The following DHX29 variants were observed in gnomAD, a reference collection of about 807,000 sequenced individuals.
The protein encoded by DHX29 is DExH-box helicase 29.
A neutral mutation model predicts 167.9 loss-of-function variants in DHX29; 79 were observed. The ratio of observed to expected loss-of-function variants is 0.47; its 90% CI spans 0.39 to 0.57. The LOEUF (loss-of-function observed/expected upper bound fraction) is 0.57, where lower values mean the gene tolerates loss of function less well. Ranked by LOEUF, DHX29 falls within the 20% of genes least tolerant of loss-of-function variation. The pLI is 0.00. For missense variants in DHX29, 1,347 were observed against 1,593.4 expected, an observed-to-expected ratio of 0.85 and a Z score of 2.63; for synonymous variants, 530 against 546.0, an observed-to-expected ratio of 0.97 and a Z score of 0.41.
In DHX29 at chr5:55,283,418, T is replaced by A. The variant is rs757685548; in HGVS notation, c.1750A>T (p.Thr584Ser). 1 of 1,614,170 alleles carries A rather than the reference T, an allele frequency of 6.2e-7. No homozygotes were observed. Among genetic ancestry groups the A allele is most frequent in the East Asian group, 2.2e-5 (1 of 44,880 alleles). ...ACCACTACCCGATGCCTTTTAAGAGTTTCAACAATTGAGTCCCGATGTTTA... is the reference window on the plus strand; with the variant it reads ...ACCACTACCCGATGCCTTTTAAGAGATTCAACAATTGAGTCCCGATGTTTA... ...VFKHRDSIVE[T>S]LKRHRVVVVA... Residue 584 changes from threonine to serine, a missense_variant, in exon 11 of 27, where the codon ACT becomes TCT. Physicochemically the swap from Thr to Ser is moderately conservative, Grantham distance 58. Coordinates refer to ENST00000251636, the MANE Select transcript of DHX29 (RefSeq NM_019030.4).
At chr5:55,300,368 C>G (rs1748538190) in intron 1 of DHX29, among the ~76,000 whole-genome samples, 1 of 150,526 alleles carries the variant, frequency 6.6e-6, no homozygotes, top group Admixed American at 6.6e-5. Flanking sequence ...GAGTGAGACC[C>G]TGTCTCTAAT....
At chr5:55,282,064 G>A (rs561375184) in intron 11 of DHX29, among the ~76,000 whole-genome samples, 1 of 152,194 alleles carries the variant, frequency 6.6e-6, no homozygotes, top group South Asian at 2.1e-4. Context: ...AGGATTATAG[G>A]CGTGAGCCAC....
At position 55,266,623 on chromosome 5, in the gene DHX29, T is replaced by G. The variant is rs1447713356; in HGVS notation, c.3525+515A>C. Among the ~76,000 whole-genome samples, 4 of 151,894 alleles carry G rather than the reference T, an allele frequency of 2.6e-5. No homozygotes were observed. The East Asian group carries it at 5.8e-4, about 22-fold the overall frequency. ...TGTTTATGAAATTGTGTTGCATCTT[T>G]TTTCTTTTCTTTCTTTTTTAAAAGA... On this transcript the variant is annotated intron_variant, in intron 23 of 26. Coordinates refer to ENST00000251636, the MANE Select transcript of DHX29 (RefSeq NM_019030.4).
intron 3 of DHX29, among the ~76,000 whole-genome samples, chr5:55,296,777 AT>A (rs200193821): frequency 1.9e-4 from 29 of 149,590 alleles, no homozygotes; most frequent in Admixed American, 4.0e-4. Context: ...CTTAGGACAT[AT>A]TTTTTTTTTA....
chr5:55,298,820 G>A (rs1389168911), intron 1 of DHX29, among the ~76,000 whole-genome samples, 156 bp from the exon 2 acceptor site: 1 of 151,404 alleles, frequency 6.6e-6, no homozygotes, highest in African/African-American at 2.4e-5. Context: ...CATGAGGTCA[G>A]GAGATCGAGA....
Position 55,272,178 on chromosome 5 carries a change from G to A in DHX29, c.2776-3C>T. On this transcript the variant is annotated splice_polypyrimidine_tract_variant and splice_region_variant and intron_variant, in intron 17 of 26. Transcript: ENST00000251636. ...GCAATATTGGTTGCTAAAACAATCTGAAAATAAACAAAAAGCTTAAAACAT... is the reference window on the plus strand; with the variant it reads ...GCAATATTGGTTGCTAAAACAATCTAAAAATAAACAAAAAGCTTAAAACAT... 6.5e-7 allele frequency: 1 copy of A among 1,546,202 alleles called. No individual in the cohort carries two copies.
intron 2 of DHX29, among the ~76,000 whole-genome samples, chr5:55,297,923 C>T (rs547262577): frequency 2.0e-5 from 3 of 151,948 alleles, no homozygotes; most frequent in Admixed American, 1.3e-4. Context: ...TTATTTTTGA[C>T]CTAAGAGTAC....
intron 2 of DHX29, among the ~76,000 whole-genome samples, chr5:55,298,004 C>G (rs1748406649): frequency 1.3e-5 from 2 of 151,838 alleles, no homozygotes; most frequent in Admixed American, 6.6e-5. Context: ...AAACTAAGCA[C>G]AAAAATATAA....
At chr5:55,292,095 C>T (rs1363839801) in intron 6 of DHX29, among the ~76,000 whole-genome samples, 1 of 152,176 alleles carries the variant, frequency 6.6e-6, no homozygotes, top group Non-Finnish European at 1.5e-5. Flanking sequence ...TGAGGAACTA[C>T]CAAACTGTTT....
rs752824993 is a variant in DHX29, at chr5:55,261,408, C to T, written c.3920G>A (p.Arg1307Gln). 7.0e-6 allele frequency: 11 copies of T among 1,575,526 alleles called. No individual in the cohort carries two copies. The highest frequency in any genetic ancestry group is 4.1e-5 in the African/African-American group (3 of 73,928). The change falls in exon 25 of 27, where the codon CGA becomes CAA. Residue 1307 changes from arginine (R) to glutamine (Q), a missense_variant. This residue lies in a region of DHX29 where 882 missense variants were observed against 1,082.4 expected (regional missense o/e 0.81). Transcript: ENST00000251636. ...LFGGDIEVQHRERLLSIDGWI... is the reference protein window; with the variant it reads ...LFGGDIEVQHQERLLSIDGWI... ...GCCATCAATAGAAAGAAGACGTTCT[C>T]GGTGCTGAACTTCTATATCACCACC...
intron 8 of DHX29, 95 bp from the exon 9 acceptor site, chr5:55,285,956 T>C (rs1747699571): frequency 3.9e-6 from 4 of 1,020,688 alleles, no homozygotes; most frequent in East Asian, 5.4e-5. Flanking sequence ...ACAGCACTTT[T>C]AGAAGATAAT....
intron 5 of DHX29, 85 bp from the exon 6 acceptor site, chr5:55,294,230 A>C: frequency 3.0e-6 from 4 of 1,328,886 alleles, no homozygotes; most frequent in Non-Finnish European, 4.1e-6. Context: ...CAATTTCCTC[A>C]CACTCAAAAG....
At chr5:55,285,991 A>T in intron 8 of DHX29, 130 bp from the exon 9 acceptor site, 1 of 633,816 alleles carries the variant, frequency 1.6e-6, no homozygotes, top group East Asian at 3.2e-5. Flanking sequence ...GCAGTGGCTC[A>T]TGCCTGTAAT....
Position 55,267,100 on chromosome 5 carries a change from C to T in DHX29, c.3525+38G>A, listed in dbSNP as rs369045950. On this transcript the variant is annotated intron_variant, in intron 23 of 26. Coordinates refer to ENST00000251636, the MANE Select transcript of DHX29 (RefSeq NM_019030.4). ...TTTCCAGAATAACTTATTATAGTTA[C>T]CCATGACTCTGAGTGAGAGATCCAT... 2.9e-5 allele frequency: 39 copies of T among 1,353,838 alleles called. No individual in the cohort carries two copies. In the African/African-American group the frequency reaches 3.0e-4, roughly 11 times the overall value. The allele number at this position is 1,353,838 out of a possible 1,614,324, so 83.9% of individuals were successfully genotyped here.
intron 18 of DHX29, among the ~76,000 whole-genome samples, chr5:55,271,525 C>G (rs1354514083): frequency 1.3e-5 from 2 of 152,198 alleles, no homozygotes; most frequent in Admixed American, 6.5e-5. Flanking sequence ...CCCAGCTACT[C>G]AGAAGGCTGA....
At chr5:55,296,167 C>G (rs1748308232) in intron 4 of DHX29, 53 bp downstream of exon 4, 7 of 1,542,608 alleles carry the variant, frequency 4.5e-6, no homozygotes, top group Middle Eastern at 2.3e-4. Flanking sequence ...ATACAAATAC[C>G]AAAACTACTT....
At chr5:55,283,152 GGTGAGTAAT>G in intron 11 of DHX29, 42 bp downstream of exon 11, 1 of 1,529,114 alleles carries the variant, frequency 6.5e-7, no homozygotes, top group East Asian at 2.3e-5. Flanking sequence ...CAAAAGCAAA[GGTGAGTAAT>G]GTCACCATCA....
At chr5:55,275,081 A>G in intron 14 of DHX29, 71 bp from the exon 15 acceptor site, 2 of 1,538,160 alleles carry the variant, frequency 1.3e-6, no homozygotes, top group Non-Finnish European at 1.8e-6. Context: ...GAAGGAAAAA[A>G]GGCGGTATTT....
Position 55,277,259 on chromosome 5 carries a change from T to G in DHX29, c.2133A>C (p.Ser711=). 2 of 1,606,538 alleles carry G rather than the reference T, an allele frequency of 1.2e-6. No homozygotes were observed. The highest frequency in any genetic ancestry group is 1.7e-6 in the Non-Finnish European group (2 of 1,175,524). ...VDEVHERSVQ[S]DFLLIILKEI... ...CCTTCAAGATAATTAGTAGGAAGTC[T>G]GACTGGACACTTCTTTCATGAACCT... Residue 711 remains serine, a synonymous_variant, in exon 13 of 27, where the codon TCA becomes TCC. Transcript: ENST00000251636.
Sources: allele counts gnomAD v4.1 joint callset (sites outside exome capture counted in the v4.1 genomes callset), GRCh38; gene constraint gnomAD v4.1.1; regional missense constraint gnomAD v4.1.1; transcripts MANE v1.5; gene names NCBI Gene and HGNC (gene_info 2026-07-23, HGNC 2026-07-21).